Variants in VDAC1 observed in about 807,000 individuals in gnomAD.
VDAC1 encodes the protein non-selective voltage-gated ion channel VDAC1.
Under a neutral mutation model 34.7 loss-of-function variants are expected in VDAC1, and 10 were observed. The observed-to-expected ratio is 0.29, with a 90% confidence interval of 0.18 to 0.49. VDAC1 has a LOEUF of 0.49. VDAC1 is among the 20% of genes least tolerant of loss of function. VDAC1 has a pLI of 0.99. For synonymous variants in VDAC1, 130 were observed against 136.0 expected, an observed-to-expected ratio of 0.96 and a Z score of 0.30; for missense variants, 230 against 347.9, an observed-to-expected ratio of 0.66 and a Z score of 2.69.
intron 1 of VDAC1, among the ~76,000 whole-genome samples, chr5:134,003,561 T>C (rs1022068159): frequency 5.9e-5 from 9 of 152,208 alleles, no homozygotes; most frequent in Admixed American, 3.9e-4. Flanking sequence ...TTGTCAATAA[T>C]AGTGAAAGAA....
rs776833439 is a variant in VDAC1, at chr5:133,972,869, G to A, written c.761-7C>T. On this transcript the variant is annotated splice_region_variant and splice_polypyrimidine_tract_variant and intron_variant, in intron 8 of 8. Transcript: ENST00000265333. ...GACAGTGTCAGTTTAATACCTGCAG[G>A]GAGAAAAATGAGGGAGAGGAAAGGA... 6.2e-7 allele frequency: 1 copy of A among 1,609,018 alleles called. No homozygotes were observed. Among genetic ancestry groups the A allele is most frequent in the Non-Finnish European group, 8.5e-7 (1 of 1,177,076 alleles).
chr5:134,058,401 C>A, the VDAC1 span, among the ~76,000 whole-genome samples: 1 of 151,882 alleles, frequency 6.6e-6, no homozygotes, highest in Non-Finnish European at 1.5e-5. Flanking sequence ...GGAAGCTCCG[C>A]CTCCTGAGTT....
At chr5:134,092,564 T>C in the VDAC1 span, among the ~76,000 whole-genome samples, 1 of 151,792 alleles carries the variant, frequency 6.6e-6, no homozygotes, top group Non-Finnish European at 1.5e-5. Flanking sequence ...TAATCCCAGC[T>C]ACTCTGGAGG....
the VDAC1 span, among the ~76,000 whole-genome samples, chr5:134,052,477 T>C: frequency 6.6e-6 from 1 of 151,958 alleles, no homozygotes; most frequent in African/African-American, 2.4e-5. Context: ...TATTTTTTTG[T>C]AGAGGCAAAG....
chr5:134,102,965 AG>A, the VDAC1 span, among the ~76,000 whole-genome samples: 3 of 152,102 alleles, frequency 2.0e-5, no homozygotes, highest in African/African-American at 7.2e-5. Context: ...AAGGTGGGAC[AG>A]GGAGGACCAA....
At chr5:133,981,437 G>A (rs1752694900) in intron 5 of VDAC1, among the ~76,000 whole-genome samples, 1 of 152,182 alleles carries the variant, frequency 6.6e-6, no homozygotes, top group African/African-American at 2.4e-5. Flanking sequence ...AGGAAACAAA[G>A]GCTATGTTCC....
At chr5:134,045,905 G>A in the VDAC1 span, among the ~76,000 whole-genome samples, 13 of 151,416 alleles carry the variant, frequency 8.6e-5, no homozygotes, top group South Asian at 2.1e-4. Context: ...GGCTGGTCTC[G>A]AACTCCCGAC....
At chr5:134,087,143 C>T in the VDAC1 span, among the ~76,000 whole-genome samples, 5 of 152,022 alleles carry the variant, frequency 3.3e-5, no homozygotes, top group African/African-American at 4.8e-5. Context: ...TCTTTACCTA[C>T]GGTTTCAGAG....
the VDAC1 span, among the ~76,000 whole-genome samples, chr5:134,085,815 G>C: frequency 4.0e-5 from 6 of 151,056 alleles, no homozygotes; most frequent in African/African-American, 7.3e-5. Context: ...GGCTGAGATG[G>C]GAGGATCACT....
the VDAC1 span, among the ~76,000 whole-genome samples, chr5:134,052,205 T>C: frequency 3.9e-5 from 6 of 152,322 alleles, no homozygotes; most frequent in Admixed American, 6.5e-5. Context: ...GCTACTCTGA[T>C]TGACCTCATT....
the VDAC1 span, among the ~76,000 whole-genome samples, chr5:134,039,551 G>A: frequency 1.5e-4 from 23 of 152,042 alleles, no homozygotes; most frequent in South Asian, 4.2e-4. Flanking sequence ...GGATGGTCTC[G>A]ATCTGCTGAC....
chr5:134,058,603 C>T, the VDAC1 span, among the ~76,000 whole-genome samples: 2 of 152,204 alleles, frequency 1.3e-5, no homozygotes, highest in African/African-American at 4.8e-5. Flanking sequence ...ACGTGAGCCA[C>T]CGCACCCGGC....
At chr5:134,010,737 GC>G in the VDAC1 span, among the ~76,000 whole-genome samples, 1 of 151,910 alleles carries the variant, frequency 6.6e-6, no homozygotes, top group Non-Finnish European at 1.5e-5. Context: ...TACAACAATG[GC>G]CCCCCAAGGA....
chr5:133,996,548 C>T (rs550339263), intron 1 of VDAC1, among the ~76,000 whole-genome samples: 44 of 152,160 alleles, frequency 2.9e-4, no homozygotes, highest in African/African-American at 5.3e-4. Flanking sequence ...CTGTGCTCAC[C>T]GTGCCCCCAC....
the VDAC1 span, among the ~76,000 whole-genome samples, chr5:134,114,343 C>T: frequency 6.6e-6 from 1 of 152,140 alleles, no homozygotes; most frequent in African/African-American, 2.4e-5. Flanking sequence ...GTTCACACCA[C>T]GGCTGCGATG....
At chr5:134,098,701 C>T in the VDAC1 span, among the ~76,000 whole-genome samples, 4 of 152,208 alleles carry the variant, frequency 2.6e-5, no homozygotes, top group Non-Finnish European at 5.9e-5. Context: ...TGATCTTTTC[C>T]TTGGGGCTGT....
At chr5:134,039,367 C>A in the VDAC1 span, among the ~76,000 whole-genome samples, 3 of 152,128 alleles carry the variant, frequency 2.0e-5, no homozygotes, top group Non-Finnish European at 4.4e-5. Context: ...CTCCCTCTGT[C>A]GCCCAGGCTG....
At chr5:134,101,712 C>T in the VDAC1 span, among the ~76,000 whole-genome samples, 11 of 152,288 alleles carry the variant, frequency 7.2e-5, no homozygotes, top group South Asian at 1.7e-3. Context: ...AGGGTAGGGT[C>T]GGGACTCCTG....
the VDAC1 span, among the ~76,000 whole-genome samples, chr5:134,107,804 T>TC: frequency 6.6e-6 from 1 of 152,200 alleles, no homozygotes; most frequent in East Asian, 1.9e-4. Context: ...CAGGAACTCA[T>TC]CCCATCTTCC....
Sources: allele counts gnomAD v4.1 joint callset (sites outside exome capture counted in the v4.1 genomes callset), GRCh38; gene constraint gnomAD v4.1.1; transcripts MANE v1.5; gene names NCBI Gene and HGNC (gene_info 2026-07-23, HGNC 2026-07-21).